Variants in MIPOL1 observed in about 807,000 individuals in gnomAD.
MIPOL1 encodes the protein mirror-image polydactyly gene 1 protein.
Under a neutral mutation model 60.9 loss-of-function variants are expected in MIPOL1, and 57 were observed. The ratio of observed to expected loss-of-function variants is 0.94; its 90% CI spans 0.76 to 1.17. The LOEUF (loss-of-function observed/expected upper bound fraction) is 1.17. Ranked by LOEUF, MIPOL1 falls within the 50% of genes most tolerant of loss-of-function variation. MIPOL1 has a pLI of 0.00. For synonymous variants in MIPOL1, 179 were observed against 168.8 expected (o/e 1.06, Z -0.47); for missense variants, 551 against 511.6 (o/e 1.08, Z -0.74).
intron 11 of MIPOL1, among the ~76,000 whole-genome samples, chr14:37,456,662 T>C (rs2094479554): frequency 6.6e-6 from 1 of 152,124 alleles, no homozygotes; most frequent in Non-Finnish European, 1.5e-5. Flanking sequence ...TATGTGTGTT[T>C]ATTATTGACT....
chr14:37,454,678 G>A (rs1385406757), intron 11 of MIPOL1, among the ~76,000 whole-genome samples: 4 of 152,134 alleles, frequency 2.6e-5, no homozygotes, highest in African/African-American at 9.7e-5. Context: ...TATATAAAGT[G>A]CCTATTGTGA....
At chr14:37,464,540 C>T (rs913546860) in intron 11 of MIPOL1, among the ~76,000 whole-genome samples, 7 of 151,932 alleles carry the variant, frequency 4.6e-5, no homozygotes, top group Non-Finnish European at 7.4e-5. Context: ...AATGGATACA[C>T]GTGGAAATAC....
At chr14:37,517,984 TAAAA>T (rs1337085048) in intron 12 of MIPOL1, among the ~76,000 whole-genome samples, 1 of 152,122 alleles carries the variant, frequency 6.6e-6, no homozygotes, top group Non-Finnish European at 1.5e-5. Context: ...ATTAAAAAGA[TAAAA>T]AGAAAGCCTT....
chr14:37,417,222 C>T (rs1490055293), intron 10 of MIPOL1, among the ~76,000 whole-genome samples: 2 of 152,002 alleles, frequency 1.3e-5, no homozygotes, highest in African/African-American at 4.8e-5. Flanking sequence ...GCCTTTCTCT[C>T]CTCCATGGCT....
At chr14:37,373,060 G>A (rs1195147142) in intron 10 of MIPOL1, among the ~76,000 whole-genome samples, 1 of 152,148 alleles carries the variant, frequency 6.6e-6, no homozygotes, top group Non-Finnish European at 1.5e-5. Context: ...CTGGAGTGCA[G>A]TGGCTCGATC....
At chr14:37,309,861 G>C (rs1008842631) in intron 9 of MIPOL1, among the ~76,000 whole-genome samples, 1 of 151,556 alleles carries the variant, frequency 6.6e-6, no homozygotes, top group African/African-American at 2.4e-5. Flanking sequence ...TAATTTTTTG[G>C]TATTTCTTGT....
intron 10 of MIPOL1, among the ~76,000 whole-genome samples, chr14:37,376,080 G>A (rs4900834): frequency 0.97 from 147,476 of 152,232 alleles, 71,511 homozygotes; most frequent in East Asian, 1. Flanking sequence ...GTAAAACACA[G>A]AGTTTCCATA....
chr14:37,435,658 G>A (rs373243547), intron 11 of MIPOL1, among the ~76,000 whole-genome samples: 30 of 152,210 alleles, frequency 2.0e-4, no homozygotes, highest in African/African-American at 7.2e-4. Context: ...TTAACAGCAG[G>A]TTGCCTGGGA....
intron 12 of MIPOL1, among the ~76,000 whole-genome samples, chr14:37,517,468 AC>A (rs1437009390): frequency 3.3e-5 from 5 of 151,976 alleles, no homozygotes; most frequent in Admixed American, 2.6e-4. Context: ...AAATGGTAAA[AC>A]CCCTATGGAG....
intron 1 of MIPOL1, among the ~76,000 whole-genome samples, chr14:37,237,855 C>T (rs1235501991): frequency 6.6e-6 from 1 of 152,134 alleles, no homozygotes; most frequent in South Asian, 2.1e-4. Flanking sequence ...GTTTGGTCTC[C>T]ATATTCTCGT....
At chr14:37,384,337 T>C (rs1448222082) in intron 10 of MIPOL1, among the ~76,000 whole-genome samples, 1 of 150,530 alleles carries the variant, frequency 6.6e-6, no homozygotes, top group Non-Finnish European at 1.5e-5. Flanking sequence ...TTCTTCACAA[T>C]TTTTAAAAAG....
At chr14:37,448,148 T>G (rs1178256047) in intron 11 of MIPOL1, among the ~76,000 whole-genome samples, 1 of 152,224 alleles carries the variant, frequency 6.6e-6, no homozygotes, top group Non-Finnish European at 1.5e-5. Flanking sequence ...TTCATAATTA[T>G]TACTTCAGTC....
chr14:37,303,601 A>T (rs752416368), intron 7 of MIPOL1, among the ~76,000 whole-genome samples: 1 of 151,690 alleles, frequency 6.6e-6, no homozygotes, highest in Non-Finnish European at 1.5e-5. Context: ...GTTCCTTGAG[A>T]CAGAATCTTT....
intron 1 of MIPOL1, among the ~76,000 whole-genome samples, chr14:37,210,050 TTAA>T (rs1966682397): frequency 1.3e-5 from 2 of 152,156 alleles, no homozygotes; most frequent in South Asian, 4.1e-4. Context: ...CCTCTTTAAT[TTAA>T]TAATATCTTG....
chr14:37,420,649 C>A (rs1485791629), intron 10 of MIPOL1, among the ~76,000 whole-genome samples: 2 of 151,958 alleles, frequency 1.3e-5, no homozygotes, highest in African/African-American at 4.8e-5. Flanking sequence ...TCCAACTTAC[C>A]CCCCAACAAA....
chr14:37,484,337 C>CT (rs71449995), intron 11 of MIPOL1, among the ~76,000 whole-genome samples: 87,287 of 116,416 alleles, frequency 0.75, 33,608 homozygotes, highest in African/African-American at 0.86. Flanking sequence ...AATGTTAGAT[C>CT]TTTTTTTTTT....
intron 10 of MIPOL1, among the ~76,000 whole-genome samples, chr14:37,413,954 A>G (rs2093721637): frequency 6.6e-6 from 1 of 152,214 alleles, no homozygotes; most frequent in South Asian, 2.1e-4. Flanking sequence ...GTAAATATTT[A>G]CAATTAGTGA....
chr14:37,270,982 A>G (rs568658198), intron 6 of MIPOL1, among the ~76,000 whole-genome samples: 2 of 152,202 alleles, frequency 1.3e-5, no homozygotes. Flanking sequence ...GTTTTGTGCA[A>G]TTAATAAGTT....
At chr14:37,450,798 T>C (rs1594400716) in intron 11 of MIPOL1, among the ~76,000 whole-genome samples, 1 of 152,142 alleles carries the variant, frequency 6.6e-6, no homozygotes, top group African/African-American at 2.4e-5. Context: ...TAGAAATTTC[T>C]TCAACTTGAT....
Sources: gnomAD v4.1 joint callset for allele counts (sites outside exome capture counted in the v4.1 genomes callset) on GRCh38, gnomAD v4.1.1 for gene constraint, MANE v1.5 for transcripts, NCBI Gene and HGNC (gene_info 2026-07-23, HGNC 2026-07-21) for gene names.